Variants in EFNA5 observed in about 807,000 individuals in gnomAD.
EFNA5 encodes ephrin-A5.
In EFNA5, 5 loss-of-function variants were observed where a neutral mutation model predicts 22.9. The ratio of observed to expected loss-of-function variants is 0.22; its 90% CI spans 0.11 to 0.46. The LOEUF is 0.46. Among genes scored for constraint, EFNA5 ranks in the 20% least tolerant of loss-of-function variants. EFNA5 has a pLI of 0.99. For missense variants in EFNA5, 237 were observed against 293.3 expected (o/e 0.81, Z 1.40); for synonymous variants, 113 against 112.2 (o/e 1.01, Z -0.04).
chr5:107,519,077 A>G (rs1010982033), intron 1 of EFNA5, among the ~76,000 whole-genome samples: 4 of 152,246 alleles, frequency 2.6e-5, no homozygotes, highest in African/African-American at 9.6e-5. Context: ...CTTTCAACCA[A>G]TGAAGATATT....
chr5:107,380,604 G>C lies in EFNA5; in HGVS notation c.*651C>G, dbSNP rs536347213. On this transcript the variant is annotated 3_prime_UTR_variant, in exon 5 of 5. Coordinates refer to ENST00000333274, the MANE Select transcript of EFNA5 (RefSeq NM_001962.3). ...AGAAAAAAAAAAAAGGCTTCTTTTA[G>C]AGAGCACAAGTTTTGCTGTCAAGAA... is the stretch of plus-strand genomic sequence containing the variant. The C allele has an allele frequency of 8.7e-4, 317 of 363,500 alleles. 3 individuals carry two copies. Among genetic ancestry groups the C allele is most frequent in the South Asian group, 3.0e-3 (20 of 6,706 alleles). The allele number at this position is 363,500 out of a possible 1,614,324, so 22.5% of individuals were successfully genotyped here.
chr5:107,670,783 G>C lies in EFNA5; in HGVS notation c.-170C>G, dbSNP rs1486317242. The C allele has an allele frequency of 1.1e-6, 1 of 884,692 alleles. No individual in the cohort carries two copies. Among genetic ancestry groups the C allele is most frequent in the Non-Finnish European group, 1.7e-6 (1 of 594,396 alleles). 54.8% of individuals were successfully genotyped at this position (884,692 alleles called of 1,614,324 possible). A position where few individuals can be genotyped will look rare whatever the true frequency, so the allele number is the denominator to read the frequency against. Reference sequence around the variant, plus strand: ...AAAGAGGCGCCCACCAAGCTGGGGAGGGGTAGGAGAGCGAGAAGAAAAGAA... The same window carrying C: ...AAAGAGGCGCCCACCAAGCTGGGGACGGGTAGGAGAGCGAGAAGAAAAGAA... On this transcript the variant is annotated 5_prime_UTR_variant, in exon 1 of 5. Transcript: ENST00000333274.
intron 1 of EFNA5, among the ~76,000 whole-genome samples, chr5:107,470,745 C>T (rs1435541136): frequency 6.6e-6 from 1 of 152,056 alleles, no homozygotes; most frequent in African/African-American, 2.4e-5. Context: ...CTATTCTGTA[C>T]TTTGTGGTGG....
intron 2 of EFNA5, among the ~76,000 whole-genome samples, chr5:107,394,718 C>T (rs1329463380): frequency 6.6e-6 from 1 of 152,146 alleles, no homozygotes; most frequent in Non-Finnish European, 1.5e-5. Context: ...TATTTAAATT[C>T]CAGCAGGTAA....
chr5:107,529,791 A>G (rs1460142851), intron 1 of EFNA5, among the ~76,000 whole-genome samples: 1 of 152,140 alleles, frequency 6.6e-6, no homozygotes, highest in Non-Finnish European at 1.5e-5. Flanking sequence ...TCCCTCCACA[A>G]CAAAGTATTA....
intron 1 of EFNA5, among the ~76,000 whole-genome samples, chr5:107,626,805 A>C (rs903982647): frequency 3.9e-5 from 6 of 152,226 alleles, no homozygotes; most frequent in African/African-American, 1.4e-4. Context: ...TTTTTAACTT[A>C]AGTGAAAAGT....
chr5:107,627,998 A>C (rs1750176881), intron 1 of EFNA5, among the ~76,000 whole-genome samples: 1 of 152,248 alleles, frequency 6.6e-6, no homozygotes, highest in African/African-American at 2.4e-5. Flanking sequence ...ATAGTAATAT[A>C]TCATTCAAAT....
At chr5:107,412,613 G>A (rs145610442) in intron 2 of EFNA5, among the ~76,000 whole-genome samples, 18 of 152,132 alleles carry the variant, frequency 1.2e-4, no homozygotes, top group African/African-American at 3.9e-4. Flanking sequence ...AAAACCAGGT[G>A]CACAAAACCT....
At chr5:107,663,638 A>G (rs1217173706) in intron 1 of EFNA5, among the ~76,000 whole-genome samples, 1 of 152,104 alleles carries the variant, frequency 6.6e-6, no homozygotes, top group African/African-American at 2.4e-5. Flanking sequence ...ATTACAATCA[A>G]ATCAACTGTA....
At chr5:107,521,955 A>C (rs564051271) in intron 1 of EFNA5, among the ~76,000 whole-genome samples, 7 of 152,126 alleles carry the variant, frequency 4.6e-5, no homozygotes, top group Non-Finnish European at 1.0e-4. Context: ...CAGCCTCTGG[A>C]TTAGTTAGGA....
In EFNA5 at chr5:107,381,149, T is replaced by C; in HGVS notation, c.*106A>G. The C allele has an allele frequency of 7.0e-7, 1 of 1,426,516 alleles. No individual in the cohort carries two copies. Among genetic ancestry groups the C allele is most frequent in the Non-Finnish European group, 9.4e-7 (1 of 1,068,942 alleles). The allele number at this position is 1,426,516 out of a possible 1,614,324, so 88.4% of individuals were successfully genotyped here. Reference sequence around the variant, plus strand: ...AGAAAGAAAACAAAAATCTGACATCTGCCAAAACCCAATAACAAGTCCCTT... The same window carrying C: ...AGAAAGAAAACAAAAATCTGACATCCGCCAAAACCCAATAACAAGTCCCTT... On this transcript the variant is annotated 3_prime_UTR_variant, in exon 5 of 5. Coordinates refer to ENST00000333274, the MANE Select transcript of EFNA5 (RefSeq NM_001962.3).
At chr5:107,397,933 T>C (rs1021912999) in intron 2 of EFNA5, among the ~76,000 whole-genome samples, 1 of 152,220 alleles carries the variant, frequency 6.6e-6, no homozygotes, top group East Asian at 1.9e-4. Flanking sequence ...ACGGATTATC[T>C]GCAGAAAAGT....
chr5:107,574,956 T>C (rs6888194), intron 1 of EFNA5, among the ~76,000 whole-genome samples: 35,098 of 152,122 alleles, frequency 0.23, 5,903 homozygotes, highest in African/African-American at 0.48. Context: ...CCATCATCAG[T>C]GAAGATGCTG....
At chr5:107,529,201 G>T (rs763898313) in intron 1 of EFNA5, among the ~76,000 whole-genome samples, 1 of 152,084 alleles carries the variant, frequency 6.6e-6, no homozygotes, top group Non-Finnish European at 1.5e-5. Context: ...TGGTTGCTAT[G>T]ATTTGAAAAA....
intron 1 of EFNA5, among the ~76,000 whole-genome samples, chr5:107,498,147 C>G (rs1747035785): frequency 6.6e-6 from 1 of 152,190 alleles, no homozygotes; most frequent in Non-Finnish European, 1.5e-5. Flanking sequence ...AGCTCCTGAC[C>G]TCAAGTGATC....
In EFNA5 at chr5:107,668,931, C is replaced by A. The variant is rs116516346; in HGVS notation, c.125+1558G>T. 8.5e-3 allele frequency among the ~76,000 whole-genome samples: 1,295 copies of A among 152,238 alleles called. 27 individuals are homozygous for A. Among genetic ancestry groups the A allele is most frequent in the African/African-American group, 0.029 (1,190 of 41,536 alleles). ...AATCGCTTCCCATTCCACCACCCAC[C>A]TCCAGGAGACTCTTGTTTTTTGAAC... On this transcript the variant is annotated intron_variant, in intron 1 of 4. Coordinates refer to ENST00000333274, the MANE Select transcript of EFNA5 (RefSeq NM_001962.3).
At chr5:107,532,776 A>G (rs1362546731) in intron 1 of EFNA5, among the ~76,000 whole-genome samples, 1 of 152,234 alleles carries the variant, frequency 6.6e-6, no homozygotes, top group Non-Finnish European at 1.5e-5. Flanking sequence ...TGCTGGCTTT[A>G]AAATGCCATG....
At chr5:107,425,639 C>G (rs577762416) in intron 2 of EFNA5, among the ~76,000 whole-genome samples, 3 of 152,242 alleles carry the variant, frequency 2.0e-5, no homozygotes, top group African/African-American at 7.2e-5. Context: ...GAGATAGTAT[C>G]AAGGCTTTTG....
At chr5:107,668,238 C>G (rs1751115489) in intron 1 of EFNA5, among the ~76,000 whole-genome samples, 1 of 152,124 alleles carries the variant, frequency 6.6e-6, no homozygotes, top group Admixed American at 6.5e-5. Flanking sequence ...AGTTAGAATA[C>G]CGATTTAGAA....
Sources: gnomAD v4.1 joint callset for allele counts (sites outside exome capture counted in the v4.1 genomes callset) on GRCh38, gnomAD v4.1.1 for gene constraint, MANE v1.5 for transcripts, NCBI Gene and HGNC (gene_info 2026-07-23, HGNC 2026-07-21) for gene names.